PAK2: variants seen among roughly 807,000 people sequenced by gnomAD.
PAK2 encodes the protein serine/threonine-protein kinase PAK 2.
Under a neutral mutation model 65.9 loss-of-function variants are expected in PAK2, and 21 were observed. The observed-to-expected ratio is 0.32, with a 90% CI of 0.23 to 0.46. The LOEUF is 0.46. Ranked by LOEUF, PAK2 falls within the 20% of genes least tolerant of loss-of-function variation. PAK2 has a pLI of 1.00. For synonymous variants in PAK2, 204 were observed against 219.7 expected, an observed-to-expected ratio of 0.93 and a Z score of 0.63; for missense variants, 324 against 642.6, an observed-to-expected ratio of 0.50 and a Z score of 5.36.
intron 13 of PAK2, among the ~76,000 whole-genome samples, chr3:196,823,590 G>A (rs945730551): frequency 2.6e-5 from 4 of 151,812 alleles, no homozygotes; most frequent in African/African-American, 4.8e-5. Context: ...CTTGGGCCGG[G>A]CACGGTGGCT....
In PAK2 at chr3:196,782,654, A is replaced by G. The variant is rs774861902; in HGVS notation, c.8A>G (p.Asp3Gly). ...ATTTCATAATTCTGAATCATGTCTG[A>G]TAACGGAGAACTGGAAGATAAGCCT... MS[D>G]NGELEDKPPA... The change falls in exon 2 of 15, where the codon GAT becomes GGT. Residue 3 changes from aspartate to glycine, a missense_variant. Transcript: ENST00000327134. The G allele has an allele frequency of 2.5e-6, 4 of 1,585,902 alleles. No individual in the cohort carries two copies. Among genetic ancestry groups the G allele is most frequent in the Non-Finnish European group, 3.4e-6 (4 of 1,164,292 alleles).
In PAK2 at chr3:196,785,505, C is replaced by G. The variant is rs541068486; in HGVS notation, c.187+2672C>G. On this transcript the variant is annotated intron_variant, in intron 2 of 14. Transcript: ENST00000327134. ...CAGCAACTCTGGGAGGGGTGAAATA[C>G]TAGCTCATTGTGTTTTAAATTGGCC... is the stretch of plus-strand genomic sequence containing the variant. Among the ~76,000 whole-genome samples, 7 of 152,262 alleles carry G rather than the reference C, an allele frequency of 4.6e-5. 1 individual carries two copies. The highest frequency in any genetic ancestry group is 1.7e-4 in the African/African-American group (7 of 41,552).
intron 1 of PAK2, among the ~76,000 whole-genome samples, chr3:196,760,289 C>G (rs1255617732): frequency 6.6e-6 from 1 of 152,012 alleles, no homozygotes; most frequent in African/African-American, 2.4e-5. Flanking sequence ...CTTGCACTGT[C>G]GCCCAGGCTG....
chr3:196,773,191 CTTGT>C (rs1245850626), intron 1 of PAK2, among the ~76,000 whole-genome samples: 1 of 152,162 alleles, frequency 6.6e-6, no homozygotes. Flanking sequence ...GTTTCGCCTA[CTTGT>C]TTTTCACTGA....
At chr3:196,800,818 ATC>A in intron 2 of PAK2, among the ~76,000 whole-genome samples, 1 of 152,316 alleles carries the variant, frequency 6.6e-6, no homozygotes, top group East Asian at 1.9e-4. Flanking sequence ...GTGAAGAACT[ATC>A]ACTAAAGGGA....
chr3:196,759,855 A>T (rs1713904997), intron 1 of PAK2, among the ~76,000 whole-genome samples: 1 of 152,002 alleles, frequency 6.6e-6, no homozygotes, highest in African/African-American at 2.4e-5. Flanking sequence ...TGTGCTCACA[A>T]AGTTATACAG....
rs375799971 is a variant in PAK2 at position 196,820,429 on chromosome 3, C to T, written c.1212C>T (p.Val404=). 1.4e-4 allele frequency: 224 copies of T among 1,612,536 alleles called. No individual in the cohort carries two copies. The highest frequency in any genetic ancestry group is 1.7e-4 in the Non-Finnish European group (199 of 1,179,218). The change falls in exon 13 of 15, where the codon GTC becomes GTT. Residue 404 remains valine, a synonymous_variant. Transcript: ENST00000327134. This position sits in a 1 kb window ranked among gnomAD's most constrained non-coding sequence, Gnocchi z 4.6. ...TPEQSKRSTM[V]GTPYWMAPEV... is the part of the protein sequence containing the mutation. ...AGCAGAGCAAACGCAGTACCATGGT[C>T]GGAACGCCATACTGGATGGCACCAG...
In PAK2 at chr3:196,832,007, C is replaced by G. The variant is rs1169143522; in HGVS notation, c.*3602C>G. 6.6e-6 allele frequency: 1 copy of G among 152,154 alleles called. No homozygotes were observed. The highest frequency in any genetic ancestry group is 1.5e-5 in the Non-Finnish European group (1 of 68,028). 9.4% of individuals were successfully genotyped at this position (152,154 alleles called of 1,614,324 possible). A position where few individuals can be genotyped will look rare whatever the true frequency, so the allele number is the denominator to read the frequency against. On this transcript the variant is annotated 3_prime_UTR_variant, in exon 15 of 15. Coordinates refer to ENST00000327134, the MANE Select transcript of PAK2 (RefSeq NM_002577.4). ...AAAATAGATACACACATTCTTTTTT[C>G]TCAGTCAACACATTGATTGAACACT... is the stretch of plus-strand genomic sequence containing the variant.
rs538430716 is a variant in PAK2 at position 196,793,129 on chromosome 3, G to C, written c.188-8798G>C. 3.9e-5 allele frequency among the ~76,000 whole-genome samples: 6 copies of C among 152,204 alleles called. No individual in the cohort carries two copies. The South Asian group carries it at 1.0e-3, about 26-fold the overall frequency. On this transcript the variant is annotated intron_variant, in intron 2 of 14. Coordinates refer to ENST00000327134, the MANE Select transcript of PAK2 (RefSeq NM_002577.4). Reference sequence around the variant, plus strand: ...ATCGAAAGTGTCAAAGGCCCCCCAGGACTCCTCCTTTACACCCCACACATC... The same window carrying C: ...ATCGAAAGTGTCAAAGGCCCCCCAGCACTCCTCCTTTACACCCCACACATC...
chr3:196,804,207 G>A (rs1577733438), intron 4 of PAK2, among the ~76,000 whole-genome samples: 1 of 152,130 alleles, frequency 6.6e-6, no homozygotes, highest in South Asian at 2.1e-4. Context: ...TTTACTTACT[G>A]TTTGCATCCT....
intron 7 of PAK2, among the ~76,000 whole-genome samples, chr3:196,809,004 AGATAG>A (rs1354796297): frequency 6.6e-6 from 1 of 152,024 alleles, no homozygotes; most frequent in Non-Finnish European, 1.5e-5. Context: ...TGGCTGGCCA[AGATAG>A]GAGGATAGCT....
chr3:196,764,859 T>C (rs1239078286), intron 1 of PAK2, among the ~76,000 whole-genome samples: 103 of 146,384 alleles, frequency 7.0e-4, no homozygotes, highest in Non-Finnish European at 1.3e-3. Flanking sequence ...TTTTTTTTTT[T>C]TGAGACGGAG....
chr3:196,778,803 A>G (rs2083724086), intron 1 of PAK2, among the ~76,000 whole-genome samples: 1 of 151,972 alleles, frequency 6.6e-6, no homozygotes. Context: ...GGAGGAATGT[A>G]GTGGTCAGGA....
intron 1 of PAK2, among the ~76,000 whole-genome samples, chr3:196,770,464 G>C (rs1714325396): frequency 6.6e-6 from 1 of 151,922 alleles, no homozygotes; most frequent in African/African-American, 2.4e-5. Flanking sequence ...AAGGGCTGCA[G>C]TGCTGCCCTC....
At position 196,810,667 on chromosome 3, in the gene PAK2, A is replaced by G; in HGVS notation, c.773+14A>G. 1 of 1,253,342 alleles carries G rather than the reference A, an allele frequency of 8.0e-7. No individual in the cohort carries two copies. Among genetic ancestry groups the G allele is most frequent in the Non-Finnish European group, 1.2e-6 (1 of 852,690 alleles). The allele number at this position is 1,253,342 out of a possible 1,614,324, so 77.6% of individuals were successfully genotyped here. ...AATTGGACAAGGGTAAGTATTTGTGACTGTATTACGATAATATTCAGTATT... is the reference window on the plus strand; with the variant it reads ...AATTGGACAAGGGTAAGTATTTGTGGCTGTATTACGATAATATTCAGTATT... On this transcript the variant is annotated intron_variant, in intron 8 of 14. Transcript: ENST00000327134.
chr3:196,793,069 A>G (rs1322044215), intron 2 of PAK2, among the ~76,000 whole-genome samples: 2 of 152,170 alleles, frequency 1.3e-5, no homozygotes, highest in Non-Finnish European at 2.9e-5. Flanking sequence ...TGCACTACAC[A>G]TGCTGAGGAG....
intron 2 of PAK2, among the ~76,000 whole-genome samples, chr3:196,797,851 A>T (rs921227387): frequency 6.6e-6 from 1 of 152,234 alleles, no homozygotes; most frequent in Non-Finnish European, 1.5e-5. Flanking sequence ...GGTCTCTGGA[A>T]ATATTTGGAA....
At chr3:196,814,142 C>A (rs370647611) in intron 10 of PAK2, among the ~76,000 whole-genome samples, 1 of 152,054 alleles carries the variant, frequency 6.6e-6, no homozygotes, top group Non-Finnish European at 1.5e-5. Context: ...CCTCTCCAAG[C>A]CTTTGTCTGT....
intron 1 of PAK2, among the ~76,000 whole-genome samples, chr3:196,764,536 T>A (rs60206357): frequency 6.6e-6 from 1 of 151,528 alleles, no homozygotes; most frequent in African/African-American, 2.4e-5. Context: ...GGAGAATCAC[T>A]TGAACCTGGG....
Sources: allele counts gnomAD v4.1 joint callset (sites outside exome capture counted in the v4.1 genomes callset), GRCh38; gene constraint gnomAD v4.1.1; non-coding constraint Gnocchi (gnomAD v3.1); transcripts MANE v1.5; gene names NCBI Gene and HGNC (gene_info 2026-07-23, HGNC 2026-07-21).